DYM: variants seen among roughly 807,000 people sequenced by gnomAD.
DYM encodes the protein dyggve-Melchior-Clausen syndrome protein.
A neutral mutation model predicts 93.1 loss-of-function variants in DYM; 78 were observed. The ratio of observed to expected loss-of-function variants is 0.84; its 90% CI spans 0.70 to 1.01. The LOEUF (loss-of-function observed/expected upper bound fraction) is 1.01, where lower values mean the gene tolerates loss of function less well. Among genes scored for constraint, DYM ranks in the 50% least tolerant of loss-of-function variants. The pLI, the probability that DYM is intolerant of heterozygous loss-of-function variation, is 0.00. For missense variants in DYM, 789 were observed against 845.0 expected, an observed-to-expected ratio of 0.93 and a Z score of 0.82; for synonymous variants, 321 against 319.7, an observed-to-expected ratio of 1.00 and a Z score of -0.04.
chr18:49,317,627 C>CTCCTATCCTCT (rs573051080), intron 8 of DYM, among the ~76,000 whole-genome samples: 636 of 23,834 alleles, frequency 0.027, 19 homozygotes, highest in East Asian at 0.051. Context: ...CTCCCTCCCT[C>CTCCTATCCTCT]CCTCTCCTAT....
intron 14 of DYM, among the ~76,000 whole-genome samples, chr18:49,184,302 G>A (rs556097583): frequency 1.3e-5 from 2 of 151,742 alleles, no homozygotes; most frequent in Admixed American, 1.3e-4. Context: ...GCTTGAAAGA[G>A]TATTGTCACT....
intron 13 of DYM, among the ~76,000 whole-genome samples, chr18:49,223,269 A>C (rs1364990395): frequency 1.3e-5 from 2 of 152,156 alleles, no homozygotes; most frequent in Non-Finnish European, 2.9e-5. Flanking sequence ...GGTACTGCAC[A>C]ACTTTTTTCT....
intron 14 of DYM, among the ~76,000 whole-genome samples, chr18:49,179,638 A>G (rs1269292458): frequency 6.6e-6 from 1 of 152,116 alleles, no homozygotes; most frequent in African/African-American, 2.4e-5. Context: ...CAAATACAGG[A>G]TTGGGTCTTT....
intron 17 of DYM, among the ~76,000 whole-genome samples, chr18:49,047,291 C>T (rs2144207674): frequency 6.6e-6 from 1 of 152,342 alleles, no homozygotes; most frequent in South Asian, 2.1e-4. Context: ...TGTGCCTTTT[C>T]AGACCATCAG....
Position 49,331,878 on chromosome 18 carries a change from G to C in DYM, c.749C>G (p.Ala250Gly). The change falls in exon 8 of 18, where the codon GCA becomes GGA. Residue 250 changes from alanine (A) to glycine (G), a missense_variant. Physicochemically the swap from Ala to Gly is moderately conservative, Grantham distance 60. Transcript: ENST00000675505. ...ATAAAACTTACTTGCTACTCCTGAT[G>C]CAAGTCCATAAAGCAGTCCTCCCCC... Reference protein sequence around the residue: ...SDGGGLLYGLASGVATGLWTV... With the variant: ...SDGGGLLYGLGSGVATGLWTV... 6.2e-7 allele frequency: 1 copy of C among 1,614,080 alleles called. No individual in the cohort carries two copies. The highest frequency in any genetic ancestry group is 8.5e-7 in the Non-Finnish European group (1 of 1,179,994).
chr18:49,154,766 T>G (rs1424970620), intron 15 of DYM, among the ~76,000 whole-genome samples: 1 of 151,970 alleles, frequency 6.6e-6, no homozygotes, highest in Non-Finnish European at 1.5e-5. Flanking sequence ...GCAAGTTGCA[T>G]GTATACTTGA....
At chr18:49,321,289 TTTA>T in intron 8 of DYM, 2 of 398,116 alleles carry the variant, frequency 5.0e-6, no homozygotes, top group Admixed American at 8.8e-5. Context: ...AATTGATTGC[TTTA>T]TTCTATATTC....
At chr18:49,345,571 G>A (rs2064516132) in intron 6 of DYM, among the ~76,000 whole-genome samples, 1 of 152,032 alleles carries the variant, frequency 6.6e-6, no homozygotes, top group African/African-American at 2.4e-5. Context: ...CCCTAAGGTA[G>A]GAATACACCT....
At chr18:49,297,179 G>A (rs2060617574) in intron 8 of DYM, among the ~76,000 whole-genome samples, 1 of 152,104 alleles carries the variant, frequency 6.6e-6, no homozygotes, top group African/African-American at 2.4e-5. Context: ...ACTAGGAGAT[G>A]GGTACTTTCA....
At chr18:49,144,171 T>C (rs2084831774) in intron 15 of DYM, among the ~76,000 whole-genome samples, 1 of 152,124 alleles carries the variant, frequency 6.6e-6, no homozygotes, top group Non-Finnish European at 1.5e-5. Flanking sequence ...TTGCAATTTG[T>C]TAGTTGAAGA....
Position 49,331,944 on chromosome 18 carries a change from G to A in DYM, c.683C>T (p.Pro228Leu). The part of the protein sequence containing the change: ...LLYNFIRQEK[P>L]PPPGAHVFPQ... ...GAAAACATGGGCCCCTGGAGGAGGT[G>A]GCTTTTCTTGTCTGATAAAGTTATA... The change falls in exon 8 of 18, where the codon CCA becomes CTA. Residue 228 changes from proline (P) to leucine (L), a missense_variant. Transcript: ENST00000675505. 1.2e-6 allele frequency: 2 copies of A among 1,614,018 alleles called. No homozygotes were observed. The highest frequency in any genetic ancestry group is 1.7e-6 in the Non-Finnish European group (2 of 1,179,986).
intron 8 of DYM, among the ~76,000 whole-genome samples, chr18:49,287,462 A>T (rs2059736063): frequency 6.6e-6 from 1 of 151,912 alleles, no homozygotes; most frequent in African/African-American, 2.4e-5. Context: ...TATTCCCATT[A>T]ATATCATCAA....
chr18:49,206,003 G>GGTTTTTTTT (rs2092466931), intron 14 of DYM: 2 of 142,310 alleles, frequency 1.4e-5, no homozygotes, highest in East Asian at 1.6e-4. Context: ...TTTTTTTTTT[G>GGTTTTTTTT]TTTTTTTGTT....
chr18:49,246,762 ACAAAG>A (rs1171921344), intron 13 of DYM, among the ~76,000 whole-genome samples: 1 of 152,226 alleles, frequency 6.6e-6, no homozygotes, highest in Non-Finnish European at 1.5e-5. Flanking sequence ...TGACACATGT[ACAAAG>A]CAAAGAGGAA....
intron 1 of DYM, among the ~76,000 whole-genome samples, chr18:49,443,560 A>G (rs1289018305): frequency 6.6e-6 from 1 of 152,188 alleles, no homozygotes; most frequent in Non-Finnish European, 1.5e-5. Flanking sequence ...TATTATGTAA[A>G]AGCATCACGA....
chr18:49,198,547 C>A (rs1568585087), intron 14 of DYM, among the ~76,000 whole-genome samples: 1 of 152,042 alleles, frequency 6.6e-6, no homozygotes, highest in Non-Finnish European at 1.5e-5. Flanking sequence ...AAAAAACAAC[C>A]CCATCAAAAA....
intron 15 of DYM, among the ~76,000 whole-genome samples, chr18:49,123,870 G>A (rs1384902026): frequency 6.6e-6 from 1 of 152,072 alleles, no homozygotes; most frequent in African/African-American, 2.4e-5. Flanking sequence ...CTCTCTCACG[G>A]TCATTTAAGG....
At chr18:49,240,030 T>C (rs2093973203) in intron 13 of DYM, among the ~76,000 whole-genome samples, 1 of 152,214 alleles carries the variant, frequency 6.6e-6, no homozygotes, top group Non-Finnish European at 1.5e-5. Context: ...GATTTATATA[T>C]TCTGTATACC....
chr18:49,378,819 G>T (rs555754728), intron 4 of DYM, 119 bp from the exon 5 acceptor site: 1 of 968,374 alleles, frequency 1.0e-6, no homozygotes, highest in African/African-American at 1.6e-5. Flanking sequence ...GGTAATATTA[G>T]GATAATGTCC....
Sources: allele counts gnomAD v4.1 joint callset (sites outside exome capture counted in the v4.1 genomes callset), GRCh38; gene constraint gnomAD v4.1.1; transcripts MANE v1.5; gene names NCBI Gene and HGNC (gene_info 2026-07-23, HGNC 2026-07-21).